The following GABRB3 variants were observed in gnomAD, a reference collection of about 807,000 sequenced individuals.
The protein encoded by GABRB3 is gamma-aminobutyric acid type A receptor subunit beta3.
A neutral mutation model predicts 52.1 loss-of-function variants in GABRB3; 14 were observed. The ratio of observed to expected loss-of-function variants is 0.27; its 90% confidence interval spans 0.18 to 0.42. The LOEUF (loss-of-function observed/expected upper bound fraction) is 0.42, where lower values mean the gene tolerates loss of function less well. GABRB3 is among the 10% of genes least tolerant of loss of function. The pLI is 1.00. For missense variants in GABRB3, 307 were observed against 609.1 expected, an observed-to-expected ratio of 0.50 and a Z score of 5.22; for synonymous variants, 260 against 232.3, an observed-to-expected ratio of 1.12 and a Z score of -1.08.
chr15:26,620,284 C>T (rs1044560707), intron 4 of GABRB3, among the ~76,000 whole-genome samples: 2 of 152,186 alleles, frequency 1.3e-5, no homozygotes, highest in Non-Finnish European at 2.9e-5. Flanking sequence ...GCTCTCTATA[C>T]TGCGGTTCTG....
chr15:26,646,640 A>G (rs921328725), intron 3 of GABRB3, among the ~76,000 whole-genome samples: 27 of 152,282 alleles, frequency 1.8e-4, no homozygotes, highest in African/African-American at 6.3e-4. Flanking sequence ...GTTTTTCCAA[A>G]GTAGCTGCAT....
At chr15:26,753,579 T>C (rs1290545417) in intron 3 of GABRB3, among the ~76,000 whole-genome samples, 1 of 152,134 alleles carries the variant, frequency 6.6e-6, no homozygotes, top group Non-Finnish European at 1.5e-5. Flanking sequence ...CAGAAATACA[T>C]GGTGGGAGGT....
At chr15:26,656,708 T>C (rs768348742) in intron 3 of GABRB3, among the ~76,000 whole-genome samples, 2 of 152,226 alleles carry the variant, frequency 1.3e-5, no homozygotes, top group African/African-American at 2.4e-5. Context: ...GAGAGTCGAA[T>C]GCCTGATGAT....
chr15:26,715,227 G>A (rs1889431198), intron 3 of GABRB3, among the ~76,000 whole-genome samples: 1 of 152,122 alleles, frequency 6.6e-6, no homozygotes, highest in South Asian at 2.1e-4. Flanking sequence ...GAACACACGT[G>A]GGAGACTTGG....
intron 3 of GABRB3, among the ~76,000 whole-genome samples, chr15:26,639,382 G>C (rs567443916): frequency 2.0e-5 from 3 of 151,186 alleles, no homozygotes; most frequent in Non-Finnish European, 4.4e-5. Context: ...TACCAAACAG[G>C]TACATTTTTT....
chr15:26,613,216 GCCT>G (rs1014286895), intron 4 of GABRB3: 1 of 152,474 alleles, frequency 6.6e-6, no homozygotes, highest in Non-Finnish European at 1.5e-5. Flanking sequence ...TTCGAGAGCA[GCCT>G]GGTCAACATA....
At chr15:26,693,716 A>G (rs1016412386) in intron 3 of GABRB3, among the ~76,000 whole-genome samples, 14 of 152,264 alleles carry the variant, frequency 9.2e-5, no homozygotes, top group African/African-American at 3.4e-4. Context: ...AGATAGATAC[A>G]GAGAATCATA....
intron 3 of GABRB3, among the ~76,000 whole-genome samples, chr15:26,646,969 G>A (rs1469258945): frequency 2.0e-5 from 3 of 151,984 alleles, no homozygotes; most frequent in African/African-American, 2.4e-5. Flanking sequence ...TCAGCCTCCC[G>A]AGTAGCTGGG....
intron 4 of GABRB3, among the ~76,000 whole-genome samples, chr15:26,610,463 C>T (rs886228812): frequency 3.3e-5 from 5 of 152,114 alleles, no homozygotes; most frequent in Admixed American, 2.6e-4. Flanking sequence ...GTGGATTGTG[C>T]TTTGGTGGTT....
At position 26,751,560 on chromosome 15, in the gene GABRB3, T is replaced by A. The variant is rs146719385; in HGVS notation, c.240+20842A>T. 1.3e-3 allele frequency among the ~76,000 whole-genome samples: 198 copies of A among 152,274 alleles called. 3 individuals carry two copies. The East Asian group carries it at 0.036, about 27-fold the overall frequency. On this transcript the variant is annotated intron_variant, in intron 3 of 8. Transcript: ENST00000311550. ...CCTGATTCAGAATTTGATGTTACAC[T>A]CCTAATTTTCATTATAGCCTATTAT...
intron 3 of GABRB3, among the ~76,000 whole-genome samples, chr15:26,640,486 C>G (rs532845366): frequency 7.2e-5 from 11 of 152,142 alleles, no homozygotes; most frequent in African/African-American, 2.4e-4. Context: ...CACTGCACTC[C>G]AGCCTGGGCG....
chr15:26,609,083 T>C (rs1891953437), intron 4 of GABRB3, among the ~76,000 whole-genome samples: 1 of 143,544 alleles, frequency 7.0e-6, no homozygotes, highest in Non-Finnish European at 1.5e-5. Context: ...TTTTTAATGA[T>C]ACACACACAC....
At position 26,613,695 on chromosome 15, in the gene GABRB3, T is replaced by C. The variant is rs1376265896; in HGVS notation, c.461+7619A>G. 4 of 152,298 alleles carry C rather than the reference T, an allele frequency of 2.6e-5. No homozygotes were observed. The East Asian group carries it at 7.7e-4, about 29-fold the overall frequency. The allele number at this position is 152,298 out of a possible 1,614,324, so 9.4% of individuals were successfully genotyped here. ...TCTCAAAGAGTTTATATTCTCATAG[T>C]GGCTTCCCCGTCATCATGGATGGGA... On this transcript the variant is annotated intron_variant, in intron 4 of 8. Coordinates refer to ENST00000311550, the MANE Select transcript of GABRB3 (RefSeq NM_000814.6).
In GABRB3 at chr15:26,547,856, C is replaced by T. The variant is rs1269266983; in HGVS notation, c.1359G>A (p.Arg453=). The change falls in exon 9 of 9, where the codon AGG becomes AGA. Residue 453 remains arginine, a synonymous_variant. Coordinates refer to ENST00000311550, the MANE Select transcript of GABRB3 (RefSeq NM_000814.6). ...GAGAAAAAGTGAATGGAAACACGATCCTGGACCATCTGTCTATGGCATTCA... is the reference window on the plus strand; with the variant it reads ...GAGAAAAAGTGAATGGAAACACGATTCTGGACCATCTGTCTATGGCATTCA... ...TDVNAIDRWS[R]IVFPFTFSLF... is the part of the protein sequence containing the mutation. 1 of 1,614,154 alleles carries T rather than the reference C, an allele frequency of 6.2e-7. No individual in the cohort carries two copies.
chr15:26,607,515 T>C (rs1891881942), intron 4 of GABRB3, among the ~76,000 whole-genome samples: 1 of 151,946 alleles, frequency 6.6e-6, no homozygotes, highest in Middle Eastern at 3.4e-3. Flanking sequence ...GAGGTTACAG[T>C]GAACTATAAT....
At chr15:26,583,259 A>C in intron 5 of GABRB3, 73 bp downstream of exon 5, 6 of 1,285,564 alleles carry the variant, frequency 4.7e-6, no homozygotes, top group South Asian at 1.2e-5. Flanking sequence ...GCCTTGAAAA[A>C]AGATGCTAAA....
chr15:26,593,981 A>AAT (rs61218096), intron 4 of GABRB3, among the ~76,000 whole-genome samples: 34,853 of 133,494 alleles, frequency 0.26, 5,332 homozygotes, highest in Middle Eastern at 0.4. Context: ...CTCATTTTAA[A>AAT]ATATATATAT....
intron 3 of GABRB3, among the ~76,000 whole-genome samples, chr15:26,727,346 G>A (rs1889801407): frequency 1.3e-5 from 2 of 152,108 alleles, no homozygotes; most frequent in Non-Finnish European, 2.9e-5. Flanking sequence ...TATTGTATCA[G>A]TGTGGACTCA....
chr15:26,759,623 G>A (rs1450210051), intron 3 of GABRB3, among the ~76,000 whole-genome samples: 1 of 152,216 alleles, frequency 6.6e-6, no homozygotes, highest in African/African-American at 2.4e-5. Context: ...TGCATTAAAT[G>A]CTGGCTCCTC....
Sources: allele counts gnomAD v4.1 joint callset (sites outside exome capture counted in the v4.1 genomes callset), GRCh38; gene constraint gnomAD v4.1.1; transcripts MANE v1.5; gene names NCBI Gene and HGNC (gene_info 2026-07-23, HGNC 2026-07-21).